NDUFAF6: variants seen among roughly 807,000 people sequenced by gnomAD.
NDUFAF6 encodes the protein NADH dehydrogenase (ubiquinone) complex I, assembly factor 6.
Under a neutral mutation model 40.8 loss-of-function variants are expected in NDUFAF6, and 45 were observed. The ratio of observed to expected loss-of-function variants is 1.10; its 90% CI spans 0.87 to 1.42. The LOEUF (loss-of-function observed/expected upper bound fraction) is 1.42, where lower values mean the gene tolerates loss of function less well. Ranked by LOEUF, NDUFAF6 falls within the 40% of genes most tolerant of loss-of-function variation. The pLI is 0.00. For synonymous variants in NDUFAF6, 185 were observed against 155.9 expected (o/e 1.19, Z -1.39); for missense variants, 435 against 418.5 (o/e 1.04, Z -0.34).
intron 1 of NDUFAF6, among the ~76,000 whole-genome samples, chr8:94,936,105 C>T (rs974456758): frequency 6.6e-6 from 1 of 152,118 alleles, no homozygotes; most frequent in African/African-American, 2.4e-5. Flanking sequence ...GCACTTTGGA[C>T]TAGAGAATTT....
intron 1 of NDUFAF6, among the ~76,000 whole-genome samples, chr8:94,901,310 A>C (rs1251470982): frequency 6.6e-6 from 1 of 152,064 alleles, no homozygotes; most frequent in Admixed American, 6.6e-5. Flanking sequence ...AGGGGAAAAG[A>C]GTAGAAGCAG....
intron 1 of NDUFAF6, among the ~76,000 whole-genome samples, chr8:95,026,234 G>C (rs1229660038): frequency 2.0e-5 from 3 of 152,194 alleles, no homozygotes; most frequent in African/African-American, 7.2e-5. Flanking sequence ...TTAGGAGGCT[G>C]AGACCGGTGG....
rs535976773 is a variant in NDUFAF6, at chr8:95,085,933, T to C, written n.213+10181T>C. On this transcript the variant is annotated intron_variant and non_coding_transcript_variant, in intron 2 of 5. Coordinates refer to the NDUFAF6 transcript ENST00000523184. Reference sequence around the variant, plus strand: ...AACTACAAACTCTGATCATGATCTATTCTCCTAGTATTTGTGTTGCAGTGT... The same window carrying C: ...AACTACAAACTCTGATCATGATCTACTCTCCTAGTATTTGTGTTGCAGTGT... 6.7e-4 allele frequency among the ~76,000 whole-genome samples: 102 copies of C among 152,326 alleles called. 1 individual carries two copies. The South Asian group carries it at 0.021, about 31-fold the overall frequency.
intron 2 of NDUFAF6, among the ~76,000 whole-genome samples, chr8:94,999,808 G>T (rs905474575): frequency 6.6e-6 from 1 of 152,152 alleles, no homozygotes; most frequent in African/African-American, 2.4e-5. Flanking sequence ...GAAAAATTCT[G>T]GACTACATTG....
downstream of NDUFAF6, among the ~76,000 whole-genome samples, chr8:95,118,373 G>A (rs115930445): frequency 7.2e-3 from 1,094 of 152,274 alleles, 11 homozygotes; most frequent in African/African-American, 0.025. Flanking sequence ...GACTCCTAAC[G>A]TTGGTGCAAT....
intron 2 of NDUFAF6, among the ~76,000 whole-genome samples, chr8:95,081,413 G>C (rs1395057661): frequency 1.3e-5 from 2 of 151,800 alleles, no homozygotes; most frequent in African/African-American, 4.8e-5. Context: ...CAGGTGATCT[G>C]CCCACCTCTG....
chr8:94,943,552 CCT>C, intron 1 of NDUFAF6, among the ~76,000 whole-genome samples: 1 of 152,284 alleles, frequency 6.6e-6, no homozygotes, highest in Non-Finnish European at 1.5e-5. Context: ...CTAATCACCA[CCT>C]CTTTTTATCA....
chr8:94,950,752 A>T (rs1822532316), intron 2 of NDUFAF6: 1 of 152,148 alleles, frequency 6.6e-6, no homozygotes, highest in Non-Finnish European at 1.5e-5. Flanking sequence ...GAGCCCCATG[A>T]TCTCTTGTTT....
In NDUFAF6 at chr8:95,052,054, G is replaced by A. The variant is rs574406185; in HGVS notation, c.817-120G>A. 8.5e-4 allele frequency: 747 copies of A among 883,428 alleles called. 6 individuals carry two copies. In the Middle Eastern group the frequency reaches 9.2e-3, roughly 11 times the overall value. 54.7% of individuals were successfully genotyped at this position (883,428 alleles called of 1,614,324 possible). A position where few individuals can be genotyped will look rare whatever the true frequency, so the allele number is the denominator to read the frequency against. ...ACTAATCTTAATCTGCAGGAGATGA[G>A]CTGTTTTCTTGCATTTGAGAGAGGC... is the stretch of plus-strand genomic sequence containing the variant. On this transcript the variant is annotated intron_variant, in intron 7 of 8. Transcript: ENST00000396124.
downstream of NDUFAF6, among the ~76,000 whole-genome samples, chr8:95,117,364 T>C (rs1810155949): frequency 6.6e-6 from 1 of 152,178 alleles, no homozygotes; most frequent in Admixed American, 6.5e-5. Flanking sequence ...CTTGAAATCT[T>C]TGAAAGACTT....
At chr8:95,068,489 A>C (rs1210186846) in intron 9 of NDUFAF6, 1 of 151,942 alleles carries the variant, frequency 6.6e-6, no homozygotes, top group Non-Finnish European at 1.5e-5. Context: ...CCCATTTCAC[A>C]GATGAGAAAA....
At chr8:94,973,134 G>A (rs1313709777) in intron 1 of NDUFAF6, among the ~76,000 whole-genome samples, 4 of 152,068 alleles carry the variant, frequency 2.6e-5, no homozygotes, top group Admixed American at 6.5e-5. Flanking sequence ...TAATTACCAT[G>A]TGATTAGGAC....
chr8:95,018,409 TATTCATTCATTCATTC>T (rs199744511), intron 2 of NDUFAF6, among the ~76,000 whole-genome samples: 14 of 151,926 alleles, frequency 9.2e-5, no homozygotes, highest in African/African-American at 3.4e-4. Context: ...CATTACCTCC[TATTCATTCATTCATTC>T]ATTCATTCAT....
intron 2 of NDUFAF6, among the ~76,000 whole-genome samples, chr8:94,951,603 G>T (rs1822624738): frequency 6.6e-6 from 1 of 152,216 alleles, no homozygotes; most frequent in Admixed American, 6.5e-5. Flanking sequence ...GGTGCACCAA[G>T]GAGGGCGTGC....
intron 1 of NDUFAF6, among the ~76,000 whole-genome samples, chr8:94,939,462 T>A (rs1023436401): frequency 6.6e-6 from 1 of 152,244 alleles, no homozygotes; most frequent in Admixed American, 6.5e-5. Flanking sequence ...AGTGGCACAA[T>A]CTTGACTCAA....
At chr8:95,078,131 G>A (rs930208483), downstream of NDUFAF6, among the ~76,000 whole-genome samples, 3 of 152,176 alleles carry the variant, frequency 2.0e-5, no homozygotes, top group Admixed American at 2.0e-4. Flanking sequence ...AGAATCAAAG[G>A]TGGAGATGGA....
At chr8:95,112,675 T>C (rs1409972176) in intron 4 of NDUFAF6, among the ~76,000 whole-genome samples, 2 of 152,206 alleles carry the variant, frequency 1.3e-5, no homozygotes, top group African/African-American at 2.4e-5. Context: ...GCCTACCACG[T>C]TGCAGACAAA....
intron 1 of NDUFAF6, chr8:94,940,932 T>A: frequency 6.2e-7 from 1 of 1,613,136 alleles, no homozygotes; most frequent in Non-Finnish European, 8.5e-7. Context: ...TTATTCAGCC[T>A]CTGGAACATT....
chr8:94,939,853 A>T (rs750984498), intron 1 of NDUFAF6: 7 of 1,606,262 alleles, frequency 4.4e-6, no homozygotes, highest in African/African-American at 1.3e-5. Context: ...AAATACTTGT[A>T]ACGTACCTGG....
Sources: gnomAD v4.1 joint callset for allele counts (sites outside exome capture counted in the v4.1 genomes callset) on GRCh38, gnomAD v4.1.1 for gene constraint, MANE v1.5 for transcripts, NCBI Gene and HGNC (gene_info 2026-07-23, HGNC 2026-07-21) for gene names.